The following RAP1A variants were observed in gnomAD, a reference collection of about 807,000 sequenced individuals.
The protein encoded by RAP1A is RAP1A, member of RAS oncogene family, also known as ras-related protein Rap-1A.
In RAP1A, 6 loss-of-function variants were observed where a neutral mutation model predicts 26.4. The ratio of observed to expected loss-of-function variants is 0.23; its 90% confidence interval spans 0.12 to 0.45. The LOEUF (loss-of-function observed/expected upper bound fraction) is 0.45. RAP1A is among the 20% of genes least tolerant of loss of function. The pLI is 0.99. For missense variants in RAP1A, 121 were observed against 217.2 expected, an observed-to-expected ratio of 0.56 and a Z score of 2.78; for synonymous variants, 73 against 79.4, an observed-to-expected ratio of 0.92 and a Z score of 0.43.
chr1:111,663,031 A>G (rs1660688468), intron 1 of RAP1A, among the ~76,000 whole-genome samples: 1 of 152,204 alleles, frequency 6.6e-6, no homozygotes, highest in Non-Finnish European at 1.5e-5. Context: ...CTCCTGCCTC[A>G]GCCTCCTGAG....
At chr1:111,697,615 A>AT in intron 4 of RAP1A, 118 bp downstream of exon 4, 1 of 1,512,774 alleles carries the variant, frequency 6.6e-7, no homozygotes, top group Non-Finnish European at 8.8e-7. Context: ...TTAAGAAGAA[A>AT]TTCTCTGAAC....
At chr1:111,649,235 G>GTGCTCCTGGATTTTGCTCTCCAGC in intron 1 of RAP1A, 1 of 480,902 alleles carries the variant, frequency 2.1e-6, no homozygotes, top group Non-Finnish European at 4.1e-6. Flanking sequence ...TCTTCTCCAG[G>GTGCTCCTGGATTTTGCTCTCCAGC]TGCTCCTGGA....
chr1:111,659,641 A>G (rs1221541572), intron 1 of RAP1A, among the ~76,000 whole-genome samples: 1 of 151,982 alleles, frequency 6.6e-6, no homozygotes, highest in Non-Finnish European at 1.5e-5. Flanking sequence ...ATTAATATAT[A>G]TCTACCATAT....
At chr1:111,592,346 G>T (rs116229532) in intron 1 of RAP1A, among the ~76,000 whole-genome samples, 3,889 of 152,234 alleles carry the variant, frequency 0.026, 94 homozygotes, top group East Asian at 0.083. Flanking sequence ...GTCACAAAGG[G>T]TCACTGTTGT....
intron 1 of RAP1A, among the ~76,000 whole-genome samples, chr1:111,653,356 A>T (rs1386307116): frequency 6.6e-6 from 1 of 152,110 alleles, no homozygotes; most frequent in Non-Finnish European, 1.5e-5. Context: ...CAGCCTTGTG[A>T]ATATAATTTT....
intron 1 of RAP1A, among the ~76,000 whole-genome samples, chr1:111,626,993 A>G (rs1040312313): frequency 6.6e-5 from 10 of 152,208 alleles, no homozygotes; most frequent in African/African-American, 2.4e-4. Context: ...AGCTGGTAAC[A>G]AGTCTGACGT....
intron 1 of RAP1A, among the ~76,000 whole-genome samples, chr1:111,596,485 T>C (rs1254857615): frequency 6.6e-6 from 1 of 152,248 alleles, no homozygotes; most frequent in African/African-American, 2.4e-5. Context: ...GACTTGAGTT[T>C]TATAATATCA....
chr1:111,546,349 C>T (rs1316658695), intron 1 of RAP1A, among the ~76,000 whole-genome samples: 1 of 152,072 alleles, frequency 6.6e-6, no homozygotes, highest in Non-Finnish European at 1.5e-5. Flanking sequence ...GCAACCATTA[C>T]CACCATCCAT....
intron 1 of RAP1A, chr1:111,608,331 C>T (rs1175668263): frequency 0.014 from 1,855 of 136,170 alleles, no homozygotes; most frequent in South Asian, 0.021. Context: ...CTCCTCACTT[C>T]CTAGATGGGA....
At chr1:111,688,835 T>G (rs974649237) in intron 1 of RAP1A, among the ~76,000 whole-genome samples, 9 of 129,858 alleles carry the variant, frequency 6.9e-5, no homozygotes, top group African/African-American at 1.0e-4. Flanking sequence ...TTTTTTTTTG[T>G]TTTTTTGTTT....
At chr1:111,601,551 G>T (rs1658671679) in intron 1 of RAP1A, among the ~76,000 whole-genome samples, 1 of 152,132 alleles carries the variant, frequency 6.6e-6, no homozygotes, top group Non-Finnish European at 1.5e-5. Context: ...TCTAGAAATG[G>T]AAAATGAGAA....
chr1:111,627,013 A>C (rs2101097643), intron 1 of RAP1A, among the ~76,000 whole-genome samples: 1 of 152,316 alleles, frequency 6.6e-6, no homozygotes, highest in African/African-American at 2.4e-5. Context: ...TTTTCTTTGC[A>C]CTAGGAAATG....
intron 1 of RAP1A, among the ~76,000 whole-genome samples, chr1:111,687,798 G>A (rs944085786): frequency 1.8e-4 from 28 of 152,026 alleles, no homozygotes; most frequent in Non-Finnish European, 2.9e-4. Context: ...AGGAGCCTTT[G>A]AGCCCAGGAG....
chr1:111,620,759 T>C (rs972475037), intron 1 of RAP1A, among the ~76,000 whole-genome samples: 1 of 152,198 alleles, frequency 6.6e-6, no homozygotes, highest in Non-Finnish European at 1.5e-5. Context: ...GGTGTGATTC[T>C]TGTTATCCTT....
At position 111,682,439 on chromosome 1, in the gene RAP1A, G is replaced by A. The variant is rs552678176; in HGVS notation, c.-27-8895G>A. Among the ~76,000 whole-genome samples the A allele has an allele frequency of 1.3e-4, 19 of 151,250 alleles. No individual in the cohort carries two copies. The East Asian group carries it at 3.5e-3, about 28-fold the overall frequency. ...GCTGTATTCAGGAGACCCATCTCAT[G>A]TGCAAAGACACACATAGGCCCAAAA... On this transcript the variant is annotated intron_variant, in intron 1 of 7. Coordinates refer to ENST00000369709, the MANE Select transcript of RAP1A (RefSeq NM_002884.4).
At chr1:111,572,743 C>CT in intron 1 of RAP1A, among the ~76,000 whole-genome samples, 1 of 152,122 alleles carries the variant, frequency 6.6e-6, no homozygotes, top group Non-Finnish European at 1.5e-5. Flanking sequence ...AGAACTTTCT[C>CT]TTTTTTTAAC....
At chr1:111,628,578 A>C (rs1463156892) in intron 1 of RAP1A, among the ~76,000 whole-genome samples, 1 of 152,230 alleles carries the variant, frequency 6.6e-6, no homozygotes, top group Non-Finnish European at 1.5e-5. Context: ...CGAAAAGCAG[A>C]TGAATTCGCT....
chr1:111,699,574 A>G (rs1340047683), intron 4 of RAP1A, among the ~76,000 whole-genome samples: 5 of 146,782 alleles, frequency 3.4e-5, no homozygotes, highest in Admixed American at 1.4e-4. Flanking sequence ...AAATCCTCCC[A>G]CCATAACCTC....
In RAP1A at chr1:111,577,178, G is replaced by A. The variant is rs532427117; in HGVS notation, c.-28+34669G>A. The stretch of plus-strand genomic sequence containing the variant: ...AGCACTTTGGGAGGTCGAGGCAGGC[G>A]GATCACCGGAGGTTAGGAATTTGAG... On this transcript the variant is annotated intron_variant, in intron 1 of 7. Coordinates refer to the RAP1A transcript ENST00000356415. Among the ~76,000 whole-genome samples, 12 of 152,148 alleles carry A rather than the reference G, an allele frequency of 7.9e-5. No individual in the cohort carries two copies. The East Asian group carries it at 1.7e-3, about 22-fold the overall frequency.
Sources: gnomAD v4.1 joint callset for allele counts (sites outside exome capture counted in the v4.1 genomes callset) on GRCh38, gnomAD v4.1.1 for gene constraint, MANE v1.5 for transcripts, NCBI Gene and HGNC (gene_info 2026-07-23, HGNC 2026-07-21) for gene names.